GALNTL6: variants seen among roughly 807,000 people sequenced by gnomAD.
GALNTL6 encodes the protein polypeptide N-acetylgalactosaminyltransferase-like 6.
A neutral mutation model predicts 73.7 loss-of-function variants in GALNTL6; 46 were observed. That is an observed-to-expected ratio of 0.62 (90% CI 0.49 to 0.80). The LOEUF (loss-of-function observed/expected upper bound fraction) is 0.80, where lower values mean the gene tolerates loss of function less well. GALNTL6 is among the 30% of genes least tolerant of loss of function. GALNTL6 has a pLI of 0.00. For synonymous variants in GALNTL6, 259 were observed against 263.7 expected, an observed-to-expected ratio of 0.98 and a Z score of 0.17; for missense variants, 604 against 755.0, an observed-to-expected ratio of 0.80 and a Z score of 2.34.
intron 5 of GALNTL6, among the ~76,000 whole-genome samples, chr4:172,352,461 T>C (rs1156793700): frequency 6.6e-6 from 1 of 152,176 alleles, no homozygotes; most frequent in African/African-American, 2.4e-5. Context: ...CTCTGAGAAA[T>C]ACATTTAACA....
intron 5 of GALNTL6, among the ~76,000 whole-genome samples, chr4:172,695,103 A>G (rs1031216698): frequency 1.3e-5 from 2 of 152,240 alleles, no homozygotes; most frequent in Admixed American, 6.5e-5. Context: ...TGTCCATCAC[A>G]GTTCCTAGGG....
chr4:172,477,448 A>G (rs1476221686), intron 5 of GALNTL6, among the ~76,000 whole-genome samples: 1 of 152,130 alleles, frequency 6.6e-6, no homozygotes, highest in Non-Finnish European at 1.5e-5. Context: ...AGACACAGAT[A>G]ATGTATATTT....
intron 2 of GALNTL6, among the ~76,000 whole-genome samples, chr4:172,206,415 T>C (rs192589264): frequency 6.6e-6 from 1 of 152,332 alleles, no homozygotes; most frequent in Non-Finnish European, 1.5e-5. Context: ...TATTTTGTTA[T>C]AATGAATGTT....
At chr4:172,986,318 A>C (rs1251659102) in intron 10 of GALNTL6, among the ~76,000 whole-genome samples, 1 of 152,194 alleles carries the variant, frequency 6.6e-6, no homozygotes. Context: ...TTGCATGACA[A>C]TGATGTTAGT....
intron 7 of GALNTL6, among the ~76,000 whole-genome samples, chr4:172,870,312 C>T (rs1463764077): frequency 1.3e-5 from 2 of 152,080 alleles, no homozygotes; most frequent in Admixed American, 6.5e-5. Flanking sequence ...AGTAATGCTC[C>T]TCCCTCAGTC....
intron 2 of GALNTL6, among the ~76,000 whole-genome samples, chr4:172,009,621 A>G (rs1361885620): frequency 1.3e-5 from 2 of 152,126 alleles, no homozygotes; most frequent in South Asian, 2.1e-4. Context: ...TTCCGAATCA[A>G]TGGTGACTGA....
intron 5 of GALNTL6, among the ~76,000 whole-genome samples, chr4:172,442,772 G>A (rs935789157): frequency 6.6e-6 from 1 of 152,102 alleles, no homozygotes; most frequent in Non-Finnish European, 1.5e-5. Context: ...ATATCAGTAT[G>A]ATGTGCTATT....
At chr4:171,982,520 G>C (rs1009721383) in intron 2 of GALNTL6, among the ~76,000 whole-genome samples, 11 of 152,072 alleles carry the variant, frequency 7.2e-5, no homozygotes, top group South Asian at 4.2e-4. Flanking sequence ...GGATGGTCTT[G>C]ATCTCCTGAC....
intron 5 of GALNTL6, among the ~76,000 whole-genome samples, chr4:172,631,249 A>G (rs1263051792): frequency 6.6e-6 from 1 of 151,618 alleles, no homozygotes; most frequent in African/African-American, 2.4e-5. Context: ...GGTTCTAGCA[A>G]TTCTTCTTCT....
chr4:172,641,753 G>GT (rs756123210), intron 5 of GALNTL6, among the ~76,000 whole-genome samples: 9 of 151,166 alleles, frequency 6.0e-5, no homozygotes, highest in African/African-American at 1.9e-4. Context: ...TATTTTTATT[G>GT]TTTTTTTATC....
chr4:171,919,957 C>T lies in GALNTL6; in HGVS notation c.138+105239C>T, dbSNP rs752589450. ...AAGCTGCTATAAAGACACATGCACA[C>T]GTACGTTTATTGCGGCACTATTCAC... On this transcript the variant is annotated intron_variant, in intron 2 of 12. Coordinates refer to ENST00000506823, the MANE Select transcript of GALNTL6 (RefSeq NM_001034845.3). Among the ~76,000 whole-genome samples, 56 of 152,106 alleles carry T rather than the reference C, an allele frequency of 3.7e-4. 1 individual carries two copies. The highest frequency in any genetic ancestry group is 6.2e-4 in the Non-Finnish European group (42 of 68,024).
chr4:172,462,094 C>T (rs182960489), intron 5 of GALNTL6, among the ~76,000 whole-genome samples: 1 of 152,290 alleles, frequency 6.6e-6, no homozygotes. Context: ...TGCTTTCAGG[C>T]TCAGAGGAGG....
intron 2 of GALNTL6, among the ~76,000 whole-genome samples, chr4:171,926,993 TTTAGAA>T (rs1166990759): frequency 6.6e-6 from 1 of 152,092 alleles, no homozygotes; most frequent in Admixed American, 6.6e-5. Context: ...TCATATTTCT[TTTAGAA>T]TGTTTAGTTT....
chr4:172,123,779 A>C (rs1027008893), intron 2 of GALNTL6, among the ~76,000 whole-genome samples: 5 of 152,116 alleles, frequency 3.3e-5, no homozygotes, highest in African/African-American at 1.2e-4. Context: ...GATTACAGGC[A>C]TGAGCCACTG....
chr4:172,231,479 C>G (rs890780177), intron 3 of GALNTL6, among the ~76,000 whole-genome samples: 1 of 152,160 alleles, frequency 6.6e-6, no homozygotes, highest in Non-Finnish European at 1.5e-5. Context: ...ATTTGCAGCT[C>G]TGGATTAAGA....
At chr4:171,963,068 C>CTT (rs35330466) in intron 2 of GALNTL6, among the ~76,000 whole-genome samples, 11 of 143,472 alleles carry the variant, frequency 7.7e-5, no homozygotes, top group South Asian at 2.2e-4. Flanking sequence ...GCCCAACCTA[C>CTT]TTTTTTTTTT....
chr4:172,088,385 A>G (rs1732109308), intron 2 of GALNTL6, among the ~76,000 whole-genome samples: 2 of 152,228 alleles, frequency 1.3e-5, no homozygotes, highest in Non-Finnish European at 2.9e-5. Context: ...CATACAAATT[A>G]ATTTTAATGT....
intron 8 of GALNTL6, among the ~76,000 whole-genome samples, chr4:172,891,448 T>C (rs1414380155): frequency 6.6e-6 from 1 of 152,180 alleles, no homozygotes; most frequent in Non-Finnish European, 1.5e-5. Context: ...TTGGTTGGAA[T>C]TTTTTTATTT....
chr4:172,041,874 T>C (rs1435852477), intron 2 of GALNTL6, among the ~76,000 whole-genome samples: 1 of 152,068 alleles, frequency 6.6e-6, no homozygotes, highest in African/African-American at 2.4e-5. Flanking sequence ...TAAAATGCAG[T>C]GGAAAATGAG....
Sources: gnomAD v4.1 joint callset for allele counts (sites outside exome capture counted in the v4.1 genomes callset) on GRCh38, gnomAD v4.1.1 for gene constraint, MANE v1.5 for transcripts, NCBI Gene and HGNC (gene_info 2026-07-23, HGNC 2026-07-21) for gene names.